Variants in TRIM33 observed in about 807,000 individuals in gnomAD.
TRIM33 encodes the protein E3 ubiquitin-protein ligase TRIM33.
Under a neutral mutation model 125.4 loss-of-function variants are expected in TRIM33, and 20 were observed. That is an observed-to-expected ratio of 0.16 (90% CI 0.11 to 0.23). The LOEUF is 0.23. Among genes scored for constraint, TRIM33 ranks in the 10% least tolerant of loss-of-function variants. The pLI, the probability that TRIM33 is intolerant of heterozygous loss-of-function variation, is 1.00. For missense variants in TRIM33, 920 were observed against 1,411.4 expected, an observed-to-expected ratio of 0.65 and a Z score of 5.58; for synonymous variants, 564 against 513.9, an observed-to-expected ratio of 1.10 and a Z score of -1.32.
At chr1:114,503,295 A>G (rs1453323971) in intron 1 of TRIM33, among the ~76,000 whole-genome samples, 1 of 152,176 alleles carries the variant, frequency 6.6e-6, no homozygotes, top group African/African-American at 2.4e-5. Context: ...AGCCTGGCCA[A>G]CATGGCAAAA....
intron 14 of TRIM33, 54 bp downstream of exon 14, chr1:114,406,883 TGAAA>T: frequency 2.6e-6 from 4 of 1,542,210 alleles, no homozygotes; most frequent in Non-Finnish European, 3.5e-6. Flanking sequence ...TACTCAGAGC[TGAAA>T]GAATCAATGA....
At position 114,421,622 on chromosome 1, in the gene TRIM33, C is replaced by A. The variant is rs751139013; in HGVS notation, c.1875G>T (p.Gly625=). 1.2e-6 allele frequency: 2 copies of A among 1,613,924 alleles called. No individual in the cohort carries two copies. The highest frequency in any genetic ancestry group is 1.3e-5 in the African/African-American group (1 of 74,862). ...ATACTACGGGAAAGGGTCCAGCATG[C>A]CCTGGGTTTGAGTGCTAATAAGAAA... ...PHLQRQHSNP[G]HAGPFPVVSV... is the part of the protein sequence containing the mutation. Residue 625 remains glycine (G), a synonymous_variant, in exon 11 of 20, where the codon GGG becomes GGT. Coordinates refer to ENST00000358465, the MANE Select transcript of TRIM33 (RefSeq NM_015906.4).
Position 114,430,789 on chromosome 1 carries a change from G to T in TRIM33, c.1155+9C>A. On this transcript the variant is annotated intron_variant, in intron 6 of 19. Transcript: ENST00000358465. ...GCAGTTTTTGTTTTATTTTGGCTTTGAACCATACCTCTAGCTGTTGTAAGA... is the reference window on the plus strand; with the variant it reads ...GCAGTTTTTGTTTTATTTTGGCTTTTAACCATACCTCTAGCTGTTGTAAGA... 1 of 1,474,200 alleles carries T rather than the reference G, an allele frequency of 6.8e-7. No individual in the cohort carries two copies. Among genetic ancestry groups the T allele is most frequent in the South Asian group, 1.1e-5 (1 of 87,948 alleles). 91.3% of individuals were successfully genotyped at this position (1,474,200 alleles called of 1,614,324 possible).
At chr1:114,499,272 T>C (rs1040024148) in intron 1 of TRIM33, among the ~76,000 whole-genome samples, 1 of 152,072 alleles carries the variant, frequency 6.6e-6, no homozygotes, top group African/African-American at 2.4e-5. Context: ...AAACAAAGAA[T>C]GGGGAAGACA....
chr1:114,493,634 T>C (rs35172413), intron 1 of TRIM33, among the ~76,000 whole-genome samples: 53,549 of 151,996 alleles, frequency 0.35, 10,112 homozygotes, highest in African/African-American at 0.46. Context: ...AGTAGGGGTA[T>C]GACTTCATTC....
intron 6 of TRIM33, among the ~76,000 whole-genome samples, chr1:114,429,630 G>GAA (rs370027645): frequency 3.9e-5 from 5 of 127,858 alleles, no homozygotes; most frequent in Admixed American, 7.7e-5. Flanking sequence ...AGATGGGACA[G>GAA]AAAAAAAAAA....
At chr1:114,481,517 G>C (rs574221445) in intron 1 of TRIM33, among the ~76,000 whole-genome samples, 3 of 151,264 alleles carry the variant, frequency 2.0e-5, no homozygotes, top group Non-Finnish European at 4.4e-5. Context: ...CCTGAATCTG[G>C]GTGGCAGAGG....
intron 1 of TRIM33, among the ~76,000 whole-genome samples, chr1:114,483,293 C>T (rs1651466043): frequency 6.6e-6 from 1 of 151,680 alleles, no homozygotes; most frequent in Non-Finnish European, 1.5e-5. Flanking sequence ...GGCTACAAAG[C>T]AAGACCCTGT....
intron 1 of TRIM33, among the ~76,000 whole-genome samples, chr1:114,492,246 T>A (rs1258999676): frequency 1.3e-5 from 2 of 152,156 alleles, no homozygotes; most frequent in Non-Finnish European, 2.9e-5. Flanking sequence ...TGAATGAGAA[T>A]CAATTTTTAA....
At chr1:114,425,834 TC>T in intron 8 of TRIM33, 111 bp from the exon 9 acceptor site, 2 of 720,932 alleles carry the variant, frequency 2.8e-6, no homozygotes, top group Non-Finnish European at 4.6e-6. Flanking sequence ...ACCTCAAAGC[TC>T]CAACAGTACA....
chr1:114,416,865 A>G (rs1652970048), intron 11 of TRIM33, among the ~76,000 whole-genome samples: 1 of 152,228 alleles, frequency 6.6e-6, no homozygotes, highest in Non-Finnish European at 1.5e-5. Flanking sequence ...CAGTTACACA[A>G]TTAAACCTCT....
chr1:114,505,264 C>T (rs1330513200), intron 1 of TRIM33, among the ~76,000 whole-genome samples: 2 of 152,156 alleles, frequency 1.3e-5, no homozygotes, highest in East Asian at 1.9e-4. Context: ...TGGAGTACCA[C>T]ATGATCATTC....
In TRIM33 at chr1:114,427,186, C is replaced by A; in HGVS notation, c.1411G>T (p.Val471Phe). Residue 471 changes from valine (V) to phenylalanine (F), a missense_variant, in exon 8 of 20, where the codon GTC (valine) becomes TTC (phenylalanine). Val to Phe is a conservative substitution (Grantham distance 50). This residue lies in a region of TRIM33 where 407 missense variants were observed against 589.7 expected (regional missense o/e 0.69). Coordinates refer to ENST00000358465, the MANE Select transcript of TRIM33 (RefSeq NM_015906.4). ...CDPTFWAKNV[V>F]NLGNLVIESK... The stretch of plus-strand genomic sequence containing the variant: ...ACTCATTATTTCTCACCTAAATTGA[C>A]TACATTCTTTGCCCAGAAGGTGGGA... The A allele has an allele frequency of 6.5e-7, 1 of 1,544,304 alleles. No homozygotes were observed. Among genetic ancestry groups the A allele is most frequent in the Non-Finnish European group, 8.9e-7 (1 of 1,121,730 alleles).
At chr1:114,453,173 G>A (rs988665513) in intron 4 of TRIM33, among the ~76,000 whole-genome samples, 43 of 152,046 alleles carry the variant, frequency 2.8e-4, no homozygotes, top group Non-Finnish European at 5.4e-4. Context: ...AGACCAGCCT[G>A]ACCAACATGG....
At chr1:114,501,864 T>G (rs1384272041) in intron 1 of TRIM33, among the ~76,000 whole-genome samples, 1 of 152,242 alleles carries the variant, frequency 6.6e-6, no homozygotes. Flanking sequence ...TAGTGCATGC[T>G]ATTTACTCAT....
At chr1:114,414,987 C>CT (rs1232374980) in intron 11 of TRIM33, among the ~76,000 whole-genome samples, 2 of 108,204 alleles carry the variant, frequency 1.8e-5, no homozygotes. Flanking sequence ...GAGGTAGATT[C>CT]TATTTTTTTT....
chr1:114,478,174 C>A (rs1166289986), intron 1 of TRIM33, among the ~76,000 whole-genome samples: 1 of 152,210 alleles, frequency 6.6e-6, no homozygotes, highest in South Asian at 2.1e-4. Context: ...AAGGCACTGG[C>A]CCTCTTGCTT....
At chr1:114,424,906 G>T in intron 9 of TRIM33, 151 bp from the exon 10 acceptor site, 1 of 560,182 alleles carries the variant, frequency 1.8e-6, no homozygotes, top group Non-Finnish European at 2.9e-6. Context: ...AATCCCCAGA[G>T]GACTGGTAAT....
At chr1:114,448,000 A>C (rs1649092513) in intron 4 of TRIM33, among the ~76,000 whole-genome samples, 1 of 152,252 alleles carries the variant, frequency 6.6e-6, no homozygotes, top group African/African-American at 2.4e-5. Flanking sequence ...GAAGTTTTTC[A>C]GGGACAGCTC....
Sources: allele counts gnomAD v4.1 joint callset (sites outside exome capture counted in the v4.1 genomes callset), GRCh38; gene constraint gnomAD v4.1.1; regional missense constraint gnomAD v4.1.1; transcripts MANE v1.5; gene names NCBI Gene and HGNC (gene_info 2026-07-23, HGNC 2026-07-21).